The following IQGAP2 variants were observed in gnomAD, a reference collection of about 807,000 sequenced individuals.
The protein encoded by IQGAP2 is IQ motif containing GTPase activating protein 2, also known as ras GTPase-activating-like protein IQGAP2.
Under a neutral mutation model 201.3 loss-of-function variants are expected in IQGAP2, and 173 were observed. That is an observed-to-expected ratio of 0.86 (90% CI 0.76 to 0.98). IQGAP2 has a LOEUF of 0.98. Among genes scored for constraint, IQGAP2 ranks in the 50% least tolerant of loss-of-function variants. IQGAP2 has a pLI of 0.00. For missense variants in IQGAP2, 1,687 were observed against 1,864.8 expected, an observed-to-expected ratio of 0.90 and a Z score of 1.76; for synonymous variants, 675 against 673.9, an observed-to-expected ratio of 1.00 and a Z score of -0.03.
At chr5:76,623,840 A>G (rs867180435) in intron 13 of IQGAP2, among the ~76,000 whole-genome samples, 4 of 151,532 alleles carry the variant, frequency 2.6e-5, no homozygotes, top group Non-Finnish European at 5.9e-5. Flanking sequence ...CCATCAATGT[A>G]ATATTGATTT....
chr5:76,496,696 TTCTG>T (rs1248703435), intron 2 of IQGAP2, among the ~76,000 whole-genome samples: 1 of 120,516 alleles, frequency 8.3e-6, no homozygotes, highest in African/African-American at 3.2e-5. Context: ...TTTTCTTTCT[TTCTG>T]TCTCTTTCTT....
chr5:76,654,193 C>T lies in IQGAP2; in HGVS notation c.2179-7C>T, dbSNP rs760691975. On this transcript the variant is annotated splice_region_variant and splice_polypyrimidine_tract_variant and intron_variant, in intron 18 of 35. Coordinates refer to ENST00000274364, the MANE Select transcript of IQGAP2 (RefSeq NM_006633.5). ...GTTGTACTTTTCTATTTTTTAAAACCTTTCAGATTCAGTCCTGGTTCCGAA... is the reference window on the plus strand; with the variant it reads ...GTTGTACTTTTCTATTTTTTAAAACTTTTCAGATTCAGTCCTGGTTCCGAA... 2.8e-5 allele frequency: 44 copies of T among 1,593,214 alleles called. No individual in the cohort carries two copies. Among genetic ancestry groups the T allele is most frequent in the Non-Finnish European group, 3.6e-5 (42 of 1,167,384 alleles).
At chr5:76,698,493 T>A (rs1438543453) in intron 33 of IQGAP2, among the ~76,000 whole-genome samples, 1 of 152,202 alleles carries the variant, frequency 6.6e-6, no homozygotes, top group Admixed American at 6.5e-5. Context: ...GTTTTTGGAA[T>A]GTATTTTATA....
At chr5:76,418,186 G>A (rs192355576) in intron 1 of IQGAP2, among the ~76,000 whole-genome samples, 1 of 131,894 alleles carries the variant, frequency 7.6e-6, no homozygotes, top group East Asian at 2.4e-4. Context: ...CAGCCTGGGT[G>A]ACAGAGAGAG....
chr5:76,430,684 C>T (rs1013914217), intron 1 of IQGAP2, among the ~76,000 whole-genome samples: 5 of 152,240 alleles, frequency 3.3e-5, no homozygotes, highest in East Asian at 3.9e-4. Context: ...TTCACAGCCA[C>T]GTAAACAGAA....
chr5:76,686,055 T>C (rs1745712078), intron 30 of IQGAP2, among the ~76,000 whole-genome samples: 1 of 152,196 alleles, frequency 6.6e-6, no homozygotes, highest in Admixed American at 6.5e-5. Flanking sequence ...TGACCAGTAA[T>C]GTTGAGGATC....
chr5:76,608,900 C>A (rs1561504278), intron 12 of IQGAP2: 3 of 487,958 alleles, frequency 6.1e-6, no homozygotes. Context: ...AAAAGAACGC[C>A]CACTCTCTTG....
At chr5:76,485,661 G>C (rs1308565225) in intron 2 of IQGAP2, among the ~76,000 whole-genome samples, 1 of 152,176 alleles carries the variant, frequency 6.6e-6, no homozygotes, top group Non-Finnish European at 1.5e-5. Context: ...GTAGTCATTG[G>C]AGAAGTGGCC....
chr5:76,428,415 A>G (rs1306850111), intron 1 of IQGAP2, among the ~76,000 whole-genome samples: 1 of 149,240 alleles, frequency 6.7e-6, no homozygotes, highest in African/African-American at 2.5e-5. Context: ...CTGCGCCAGG[A>G]GTTTGCTTTG....
rs1413932615 is a variant in IQGAP2 at position 76,617,425 on chromosome 5, AAAAC to A, written c.1521+6255_1521+6258del. ...GGTGATAAAGTGAGACTCAGTCTCA[AAAAC>A]AAACAAACAAACTACTAATGCTTTT... On this transcript the variant is annotated intron_variant, in intron 13 of 35. Coordinates refer to ENST00000274364, the MANE Select transcript of IQGAP2 (RefSeq NM_006633.5). 75 of 628,828 alleles carry A rather than the reference AAAAC, an allele frequency of 1.2e-4. No homozygotes were observed. In the South Asian group the frequency reaches 1.2e-3, roughly 10 times the overall value. 39.0% of individuals were successfully genotyped at this position (628,828 alleles called of 1,614,324 possible).
intron 1 of IQGAP2, among the ~76,000 whole-genome samples, chr5:76,440,182 C>T (rs1752949516): frequency 6.6e-6 from 1 of 152,102 alleles, no homozygotes; most frequent in South Asian, 2.1e-4. Context: ...GGACCCCAGT[C>T]CCTTCTAGCT....
intron 17 of IQGAP2, among the ~76,000 whole-genome samples, chr5:76,651,805 T>C (rs1752538362): frequency 6.6e-6 from 1 of 152,080 alleles, no homozygotes; most frequent in Non-Finnish European, 1.5e-5. Context: ...AAGTGCCCAG[T>C]TCGTCATTTT....
rs766263686 is a variant in IQGAP2 at position 76,611,065 on chromosome 5, A to G, written c.1403A>G (p.Asn468Ser). ...ATCAATGAAGCTATTGATGAAGGGA[A>G]TCCTTTGAGGACTTTAGAAACTTTG... ...GYINEAIDEGNPLRTLETLLL... is the reference protein window; with the variant it reads ...GYINEAIDEGSPLRTLETLLL... The change falls in exon 13 of 36, where the codon AAT becomes AGT. Residue 468 changes from asparagine to serine, a missense_variant. Coordinates refer to ENST00000274364, the MANE Select transcript of IQGAP2 (RefSeq NM_006633.5). 4 of 1,613,748 alleles carry G rather than the reference A, an allele frequency of 2.5e-6. No individual in the cohort carries two copies. The highest frequency in any genetic ancestry group is 3.4e-6 in the Non-Finnish European group (4 of 1,179,822).
chr5:76,447,378 G>C (rs1225188043), intron 1 of IQGAP2, among the ~76,000 whole-genome samples: 1 of 152,160 alleles, frequency 6.6e-6, no homozygotes, highest in Non-Finnish European at 1.5e-5. Flanking sequence ...ACAGTGATCG[G>C]GATATAAACC....
At chr5:76,588,525 C>T (rs1217585070) in intron 5 of IQGAP2, among the ~76,000 whole-genome samples, 1 of 152,192 alleles carries the variant, frequency 6.6e-6, no homozygotes, top group African/African-American at 2.4e-5. Context: ...AAATATAATT[C>T]ATGCTGTACC....
At chr5:76,552,335 TCA>T (rs1385334677) in intron 2 of IQGAP2, among the ~76,000 whole-genome samples, 9 of 152,224 alleles carry the variant, frequency 5.9e-5, no homozygotes, top group African/African-American at 2.2e-4. Flanking sequence ...GATTGTCCAG[TCA>T]CACTGTTGGT....
intron 2 of IQGAP2, among the ~76,000 whole-genome samples, chr5:76,467,752 T>C (rs1754861432): frequency 6.6e-6 from 1 of 152,146 alleles, no homozygotes; most frequent in Admixed American, 6.5e-5. Context: ...TACCCACTGA[T>C]AAACGGTGAT....
intron 13 of IQGAP2, among the ~76,000 whole-genome samples, chr5:76,613,021 C>T (rs1301125695): frequency 5.3e-5 from 8 of 152,238 alleles, no homozygotes. Flanking sequence ...GCCCTCTGCA[C>T]TGCCAGCCTT....
chr5:76,608,907 C>T (rs1748028773), intron 12 of IQGAP2: 1 of 520,756 alleles, frequency 1.9e-6, no homozygotes, highest in Non-Finnish European at 3.4e-6. Context: ...CGCCCACTCT[C>T]TTGTGGACTA....
Sources: gnomAD v4.1 joint callset for allele counts (sites outside exome capture counted in the v4.1 genomes callset) on GRCh38, gnomAD v4.1.1 for gene constraint, MANE v1.5 for transcripts, NCBI Gene and HGNC (gene_info 2026-07-23, HGNC 2026-07-21) for gene names.